Variants in SSH1 observed in about 807,000 individuals in gnomAD.
SSH1 encodes the protein slingshot protein phosphatase 1, also known as protein phosphatase Slingshot homolog 1.
Under a neutral mutation model 79.7 loss-of-function variants are expected in SSH1, and 43 were observed. The ratio of observed to expected loss-of-function variants is 0.54; its 90% CI spans 0.42 to 0.70. The LOEUF (loss-of-function observed/expected upper bound fraction) is 0.70, where lower values mean the gene tolerates loss of function less well. SSH1 is among the 30% of genes least tolerant of loss of function. The pLI is 0.00. For synonymous variants in SSH1, 599 were observed against 538.3 expected (o/e 1.11, Z -1.56); for missense variants, 1,206 against 1,358.8 (o/e 0.89, Z 1.77).
At chr12:108,798,939 G>A in intron 13 of SSH1, 61 bp downstream of exon 13, 2 of 1,584,724 alleles carry the variant, frequency 1.3e-6, no homozygotes, top group Non-Finnish European at 1.7e-6. Context: ...GGCCTGGCTG[G>A]CTTGGCCACA....
intron 11 of SSH1, 38 bp from the exon 12 acceptor site, chr12:108,800,964 T>G: frequency 6.3e-7 from 1 of 1,591,978 alleles, no homozygotes; most frequent in Non-Finnish European, 8.6e-7. Flanking sequence ...ATTTGGACAA[T>G]CTGAATGAGA....
intron 1 of SSH1, among the ~76,000 whole-genome samples, chr12:108,854,622 T>C (rs899172440): frequency 6.6e-6 from 1 of 152,224 alleles, no homozygotes; most frequent in Admixed American, 6.5e-5. Context: ...CATTATGAAG[T>C]TGCAATTTGA....
chr12:108,789,089 T>C lies in SSH1; in HGVS notation c.2049A>G (p.Leu683=). 1.9e-6 allele frequency: 3 copies of C among 1,613,212 alleles called. No homozygotes were observed. The African/African-American group carries it at 4.0e-5, about 22-fold the overall frequency. Residue 683 remains leucine (L), a synonymous_variant, in exon 15 of 15, where the codon CTA becomes CTG. Coordinates refer to ENST00000326495, the MANE Select transcript of SSH1 (RefSeq NM_018984.4). ...APAICTQPAF[L]PHITSSPVAH... ...CCACAGGGGAGGACGTGATGTGGGG[T>C]AGGAAGGCTGGCTGGGTGCAGATGG...
At chr12:108,852,536 T>A in intron 2 of SSH1, 102 bp downstream of exon 2, 1 of 1,473,056 alleles carries the variant, frequency 6.8e-7, no homozygotes, top group Non-Finnish European at 9.5e-7. Flanking sequence ...AGCCCAAAAT[T>A]GGCATATTCT....
At chr12:108,855,141 G>A (rs939873536) in intron 1 of SSH1, among the ~76,000 whole-genome samples, 5 of 152,118 alleles carry the variant, frequency 3.3e-5, no homozygotes, top group Admixed American at 1.3e-4. Context: ...ATACAATGGA[G>A]TATTATACAG....
rs571918645 is a variant in SSH1 at position 108,809,905 on chromosome 12, G to A, written c.471-147C>T. 48 of 725,210 alleles carry A rather than the reference G, an allele frequency of 6.6e-5. 1 individual carries two copies. Among genetic ancestry groups the A allele is most frequent in the South Asian group, 5.7e-4 (38 of 66,748 alleles). The allele number at this position is 725,210 out of a possible 1,614,324, so 44.9% of individuals were successfully genotyped here. The stretch of plus-strand genomic sequence containing the variant: ...CATGATGAGGGATTTTACGGAACCC[G>A]CTTTCGCAGAGACATGGGCAAGGGC... On this transcript the variant is annotated intron_variant, in intron 6 of 14. Coordinates refer to ENST00000326495, the MANE Select transcript of SSH1 (RefSeq NM_018984.4).
intron 10 of SSH1, 113 bp downstream of exon 10, chr12:108,804,943 G>A: frequency 7.4e-7 from 1 of 1,352,532 alleles, no homozygotes; most frequent in East Asian, 2.3e-5. Flanking sequence ...TGGAGGCTCT[G>A]GCAACTCAAG....
intron 10 of SSH1, among the ~76,000 whole-genome samples, chr12:108,804,610 ATC>A (rs1265207209): frequency 6.6e-6 from 1 of 152,080 alleles, no homozygotes; most frequent in Non-Finnish European, 1.5e-5. Flanking sequence ...CAGCTGTGTG[ATC>A]TCTCCTCCCT....
chr12:108,791,472 AATAAAATGAT>A (rs1173510201), intron 14 of SSH1, among the ~76,000 whole-genome samples: 4 of 152,188 alleles, frequency 2.6e-5, no homozygotes, highest in African/African-American at 9.7e-5. Context: ...AGCATTTATG[AATAAAATGAT>A]ATATCTGAGG....
chr12:108,817,777 G>A (rs747849751), intron 4 of SSH1, among the ~76,000 whole-genome samples: 1 of 152,188 alleles, frequency 6.6e-6, no homozygotes, highest in Non-Finnish European at 1.5e-5. Context: ...CCCTCCTCCC[G>A]CCCCTCTGGG....
In SSH1 at chr12:108,807,486, C is replaced by G. The variant is rs1049594573; in HGVS notation, c.731+147G>C. 2 of 685,540 alleles carry G rather than the reference C, an allele frequency of 2.9e-6. No individual in the cohort carries two copies. Among genetic ancestry groups the G allele is most frequent in the Non-Finnish European group, 5.0e-6 (2 of 398,354 alleles). The allele number at this position is 685,540 out of a possible 1,614,324, so 42.5% of individuals were successfully genotyped here. On this transcript the variant is annotated intron_variant, in intron 8 of 14. Coordinates refer to ENST00000326495, the MANE Select transcript of SSH1 (RefSeq NM_018984.4). This position sits in a 1 kb window ranked among gnomAD's most constrained non-coding sequence, Gnocchi z 5.2. Reference sequence around the variant, plus strand: ...GTGTCACAGACCCCTGCTTTAAACGCTGGTTCTGAGAAAGCTAGGGTTCTC... The same window carrying G: ...GTGTCACAGACCCCTGCTTTAAACGGTGGTTCTGAGAAAGCTAGGGTTCTC...
At chr12:108,812,214 C>T (rs2037645913) in intron 5 of SSH1, among the ~76,000 whole-genome samples, 1 of 152,246 alleles carries the variant, frequency 6.6e-6, no homozygotes, top group African/African-American at 2.4e-5. Context: ...TCCCTCCGTG[C>T]CATCCTACCC....
At chr12:108,794,057 C>G (rs1397137125) in intron 13 of SSH1, among the ~76,000 whole-genome samples, 1 of 152,226 alleles carries the variant, frequency 6.6e-6, no homozygotes. Context: ...GCCCTTCCGA[C>G]AGTGAAGGAG....
In SSH1 at chr12:108,817,143, C is replaced by A. The variant is rs758815464; in HGVS notation, c.296G>T (p.Ser99Ile). 6 of 1,614,064 alleles carry A rather than the reference C, an allele frequency of 3.7e-6. No individual in the cohort carries two copies. Among genetic ancestry groups the A allele is most frequent in the Non-Finnish European group, 5.1e-6 (6 of 1,180,022 alleles). ...DRIKLAVRLE[S>I]AWADRVRYMV... ...GTACCGGACCCGGTCCGCCCAGGCGCTCTCCAGGCGCACTGCCTGGAACAG... is the reference window on the plus strand; with the variant it reads ...GTACCGGACCCGGTCCGCCCAGGCGATCTCCAGGCGCACTGCCTGGAACAG... The change falls in exon 5 of 15, where the codon AGC (serine) becomes ATC (isoleucine). Residue 99 changes from serine to isoleucine, a missense_variant. Physicochemically the swap from Ser to Ile is moderately radical, Grantham distance 142. Coordinates refer to ENST00000326495, the MANE Select transcript of SSH1 (RefSeq NM_018984.4).
At chr12:108,835,862 CAT>C (rs368657385) in intron 2 of SSH1, among the ~76,000 whole-genome samples, 35 of 122,172 alleles carry the variant, frequency 2.9e-4, no homozygotes, top group African/African-American at 1.1e-3. Context: ...TGATATATAG[CAT>C]ATATACATAT....
At chr12:108,845,639 A>G (rs1327739556) in intron 2 of SSH1, among the ~76,000 whole-genome samples, 3 of 152,228 alleles carry the variant, frequency 2.0e-5, no homozygotes, top group African/African-American at 4.8e-5. Context: ...GCGAGCTGAG[A>G]TTGCGCCATT....
At chr12:108,790,072 C>T (rs1565966937) in intron 14 of SSH1, among the ~76,000 whole-genome samples, 1 of 152,152 alleles carries the variant, frequency 6.6e-6, no homozygotes, top group Non-Finnish European at 1.5e-5. Flanking sequence ...AACTTCCCCT[C>T]TTACCCCAGC....
chr12:108,820,628 GAGAATATAAGCCCT>G (rs1249390077), intron 3 of SSH1, among the ~76,000 whole-genome samples: 6 of 152,204 alleles, frequency 3.9e-5, no homozygotes, highest in African/African-American at 1.4e-4. Context: ...AAAAAAATCA[GAGAATATAAGCCCT>G]AGAAAGGGTC....
intron 2 of SSH1, among the ~76,000 whole-genome samples, chr12:108,833,112 C>T (rs563242548): frequency 5.3e-5 from 8 of 151,568 alleles, no homozygotes; most frequent in Admixed American, 2.0e-4. Context: ...CAACGGGTAG[C>T]GGCAAGCAGC....
Sources: allele counts gnomAD v4.1 joint callset (sites outside exome capture counted in the v4.1 genomes callset), GRCh38; gene constraint gnomAD v4.1.1; non-coding constraint Gnocchi (gnomAD v3.1); transcripts MANE v1.5; gene names NCBI Gene and HGNC (gene_info 2026-07-23, HGNC 2026-07-21).